SACS: variants seen among roughly 807,000 people sequenced by gnomAD.
The protein encoded by SACS is sacsin.
A neutral mutation model predicts 348.0 loss-of-function variants in SACS; 197 were observed. The observed-to-expected ratio is 0.57, with a 90% CI of 0.50 to 0.64. The LOEUF (loss-of-function observed/expected upper bound fraction) is 0.64. Among genes scored for constraint, SACS ranks in the 30% least tolerant of loss-of-function variants. The pLI is 0.00. For missense variants in SACS, 4,999 were observed against 5,360.8 expected, an observed-to-expected ratio of 0.93 and a Z score of 2.11; for synonymous variants, 1,985 against 1,910.6, an observed-to-expected ratio of 1.04 and a Z score of -1.02.
In SACS at chr13:23,370,644, C is replaced by T. The variant is rs117635770; in HGVS notation, c.259+434G>A. Among the ~76,000 whole-genome samples, 796 of 152,238 alleles carry T rather than the reference C, an allele frequency of 5.2e-3. 4 individuals are homozygous for T. The highest frequency in any genetic ancestry group is 0.041 in the Middle Eastern group (12 of 294). On this transcript the variant is annotated intron_variant, in intron 4 of 9. Transcript: ENST00000382292. Reference sequence around the variant, plus strand: ...CCTGCCCCCACCCTCTGGCAACCACCATTCTACTCCCTGCTTCTTTGTTAA... The same window carrying T: ...CCTGCCCCCACCCTCTGGCAACCACTATTCTACTCCCTGCTTCTTTGTTAA...
intron 1 of SACS, among the ~76,000 whole-genome samples, chr13:23,413,576 A>G (rs993992973): frequency 6.6e-6 from 1 of 152,310 alleles, no homozygotes; most frequent in Non-Finnish European, 1.5e-5. Context: ...TGGGGAAAAA[A>G]AGGAATGTAG....
In SACS at chr13:23,331,111, C is replaced by T. The variant is rs139692779; in HGVS notation, c.12765G>A (p.Arg4255=). The change falls in exon 10 of 10, where the codon AGG becomes AGA. Residue 4255 remains arginine, a synonymous_variant. Coordinates refer to ENST00000382292, the MANE Select transcript of SACS (RefSeq NM_014363.6). ...FSRPEESSQS[R]DSAPSTPTSP... is the part of the protein sequence containing the mutation. ...TGGTTGGTGTAGAAGGAGCACTGTC[C>T]CTGCTTTGAGAGCTTTCCTCAGGTC... 52 of 1,614,072 alleles carry T rather than the reference C, an allele frequency of 3.2e-5. 1 individual carries two copies. In the African/African-American group the frequency reaches 6.0e-4, roughly 19 times the overall value.
intron 2 of SACS, among the ~76,000 whole-genome samples, chr13:23,391,630 T>C (rs552247410): frequency 6.6e-6 from 1 of 152,174 alleles, no homozygotes; most frequent in Non-Finnish European, 1.5e-5. Flanking sequence ...TAGAGGGTCA[T>C]GATGCCACAG....
chr13:23,343,061 A>G (rs144962748), intron 9 of SACS, among the ~76,000 whole-genome samples: 8 of 152,292 alleles, frequency 5.3e-5, no homozygotes, highest in Admixed American at 4.6e-4. Context: ...GGAGGCAACA[A>G]AGGGAGCACG....
At chr13:23,387,330 C>T (rs773089451) in intron 2 of SACS, among the ~76,000 whole-genome samples, 7 of 152,014 alleles carry the variant, frequency 4.6e-5, no homozygotes, top group Non-Finnish European at 7.4e-5. Context: ...GGCATGGCGG[C>T]GGGCAACTGT....
chr13:23,354,631 T>C lies in SACS; in HGVS notation c.1981A>G (p.Ser661Gly), dbSNP rs1388422396. The C allele has an allele frequency of 6.2e-6, 10 of 1,614,134 alleles. No homozygotes were observed. In the Admixed American group the frequency reaches 1.2e-4, roughly 19 times the overall value. ...AGCAGCTCCAGCCCAAGCAGCTCAC[T>C]GTAGGCTTGGTCAGAAAGCACAAAT... ...LEFVLSDQAYSELLGLELLPL... is the reference protein window; with the variant it reads ...LEFVLSDQAYGELLGLELLPL... Residue 661 changes from serine to glycine, a missense_variant, in exon 8 of 10, where the codon AGT becomes GGT. By Grantham distance (56) the Ser-to-Gly change is moderately conservative (BLOSUM62 0). Around this residue, in one of 6 missense-constraint regions of SACS, gnomAD observed 3,156 missense variants for 3,380.1 expected, o/e 0.93. Transcript: ENST00000382292.
intron 1 of SACS, among the ~76,000 whole-genome samples, chr13:23,412,436 CAG>C (rs1358093847): frequency 1.5e-5 from 2 of 131,160 alleles, no homozygotes; most frequent in African/African-American, 5.9e-5. Flanking sequence ...TTCTCTGAGA[CAG>C]AGCCTCCCTC....
At chr13:23,414,233 G>A (rs909936520) in intron 1 of SACS, among the ~76,000 whole-genome samples, 1 of 152,362 alleles carries the variant, frequency 6.6e-6, no homozygotes, top group South Asian at 2.1e-4. Context: ...GAACCCGGAA[G>A]GCGGAGCCTA....
At position 23,354,773 on chromosome 13, in the gene SACS, C is replaced by T. The variant is rs35840595; in HGVS notation, c.1839G>A (p.Gln613=). ...GTGTTGTGCCAGAGGCAGCTGTGAGCTGAACAGCAGCATCCACATTCCCTG... is the reference window on the plus strand; with the variant it reads ...GTGTTGTGCCAGAGGCAGCTGTGAGTTGAACAGCAGCATCCACATTCCCTG... ...KVPGNVDAAV[Q]LTAASGTTPV... Residue 613 remains glutamine, a synonymous_variant, in exon 8 of 10, where the codon CAG becomes CAA. Coordinates refer to ENST00000382292, the MANE Select transcript of SACS (RefSeq NM_014363.6). The T allele has an allele frequency of 5.0e-3, 8,133 of 1,614,054 alleles. 320 individuals carry two copies. The African/African-American group carries it at 0.092, about 18-fold the overall frequency.
Position 23,337,456 on chromosome 13 carries a change from G to C in SACS, c.6420C>G (p.Leu2140=). 1 of 1,612,752 alleles carries C rather than the reference G, an allele frequency of 6.2e-7. No homozygotes were observed. Among genetic ancestry groups the C allele is most frequent in the South Asian group, 1.1e-5 (1 of 90,828 alleles). Residue 2140 remains leucine, a synonymous_variant, in exon 10 of 10, where the codon CTC becomes CTG. Coordinates refer to ENST00000382292, the MANE Select transcript of SACS (RefSeq NM_014363.6). ...RFPYGSTQDY[L]NPIILIKLVQ... ...CTAGTTTAATCAAAATAATAGGATT[G>C]AGATAATCCTGAGTAGAACCATAAG... is the stretch of plus-strand genomic sequence containing the variant.
chr13:23,387,462 A>AG (rs1307046067), intron 2 of SACS, among the ~76,000 whole-genome samples: 4 of 64,422 alleles, frequency 6.2e-5, no homozygotes, highest in South Asian at 1.3e-3. Context: ...ACTCCGTCTC[A>AG]GAAAAAAAAA....
Position 23,338,366 on chromosome 13 carries a change from C to T in SACS, c.5510G>A (p.Ser1837Asn), listed in dbSNP as rs1393090850. The T allele has an allele frequency of 1.9e-6, 3 of 1,614,170 alleles. No homozygotes were observed. The highest frequency in any genetic ancestry group is 1.1e-5 in the South Asian group (1 of 91,090). Residue 1837 changes from serine to asparagine, a missense_variant, in exon 10 of 10, where the codon AGT (serine) becomes AAT (asparagine). Transcript: ENST00000382292. ...GEALKFSLSE[S>N]GRRLGLVPCG... ...TGGAACCAGTCCTAGTCTTCTTCCA[C>T]TCTCACTCAGGGAAAACTTCAGAGC...
At chr13:23,410,523 C>A (rs1873436839) in intron 2 of SACS, among the ~76,000 whole-genome samples, 1 of 152,090 alleles carries the variant, frequency 6.6e-6, no homozygotes, top group Non-Finnish European at 1.5e-5. Flanking sequence ...CTTTAGGTTA[C>A]AAGATGTGAA....
intron 2 of SACS, among the ~76,000 whole-genome samples, chr13:23,394,247 C>T (rs1369420248): frequency 2.0e-5 from 3 of 152,176 alleles, no homozygotes. Flanking sequence ...TGTCTTTGGC[C>T]TACCTATTCA....
At position 23,354,578 on chromosome 13, in the gene SACS, G is replaced by T. The variant is rs772289878; in HGVS notation, c.2034C>A (p.Pro678=). 1.7e-5 allele frequency: 27 copies of T among 1,613,990 alleles called. 1 individual carries two copies. The South Asian group carries it at 3.0e-4, about 18-fold the overall frequency. ...LLPLQNGNFV[P]FSSSVSDQDV... is the part of the protein sequence containing the mutation. ...CTTGGTCTGATACAGATGAGGAGAA[G>T]GGGACAAAATTGCCATTTTGTAAAG... Residue 678 remains proline (P), a synonymous_variant, in exon 8 of 10, where the codon CCC becomes CCA. Coordinates refer to ENST00000382292, the MANE Select transcript of SACS (RefSeq NM_014363.6).
chr13:23,339,494 G>T lies in SACS; in HGVS notation c.4382C>A (p.Thr1461Asn). ...FEQSGQREPLTVRIKNILEEY... is the reference protein window; with the variant it reads ...FEQSGQREPLNVRIKNILEEY... The stretch of plus-strand genomic sequence containing the variant: ...TTCCAGAATATTTTTAATTCTTACA[G>T]TAAGTGGCTCTCTTTGTCCTGACTG... Residue 1461 changes from threonine to asparagine, a missense_variant, in exon 10 of 10, where the codon ACT becomes AAT. Thr to Asn is a moderately conservative substitution (Grantham distance 65). Coordinates refer to ENST00000382292, the MANE Select transcript of SACS (RefSeq NM_014363.6). The T allele has an allele frequency of 1.2e-6, 2 of 1,609,688 alleles. No individual in the cohort carries two copies. The highest frequency in any genetic ancestry group is 2.2e-5 in the East Asian group (1 of 44,782).
At chr13:23,405,261 T>C (rs1873156841) in intron 2 of SACS, among the ~76,000 whole-genome samples, 1 of 152,024 alleles carries the variant, frequency 6.6e-6, no homozygotes, top group Non-Finnish European at 1.5e-5. Flanking sequence ...ATGCCACACA[T>C]CTACAACCAT....
chr13:23,414,797 G>A (rs1873636006), intron 1 of SACS, among the ~76,000 whole-genome samples: 1 of 152,110 alleles, frequency 6.6e-6, no homozygotes, highest in Non-Finnish European at 1.5e-5. Context: ...TAACAGAATA[G>A]GATGATTCTG....
intron 1 of SACS, among the ~76,000 whole-genome samples, chr13:23,416,460 T>A (rs1873694498): frequency 6.6e-6 from 1 of 151,474 alleles, no homozygotes; most frequent in Non-Finnish European, 1.5e-5. Context: ...TTGATTAAGG[T>A]AAAAGAAAAA....
Sources: allele counts gnomAD v4.1 joint callset (sites outside exome capture counted in the v4.1 genomes callset), GRCh38; gene constraint gnomAD v4.1.1; regional missense constraint gnomAD v4.1.1; transcripts MANE v1.5; gene names NCBI Gene and HGNC (gene_info 2026-07-23, HGNC 2026-07-21).